Variants in KCNG3 observed in about 807,000 individuals in gnomAD.
KCNG3 encodes voltage-gated potassium channel regulatory subunit KCNG3.
KCNG3 carries 15 observed loss-of-function variants against 29.0 expected under a neutral mutation model. The observed-to-expected ratio is 0.52, with a 90% CI of 0.35 to 0.80. The LOEUF is 0.80. Among genes scored for constraint, KCNG3 ranks in the 30% least tolerant of loss-of-function variants. KCNG3 has a pLI of 0.01. For missense variants in KCNG3, 512 were observed against 605.7 expected (o/e 0.85, Z 1.62); for synonymous variants, 322 against 248.9 (o/e 1.29, Z -2.76).
At position 42,444,898 on chromosome 2, in the gene KCNG3, C is replaced by A. The variant is rs1672562408; in HGVS notation, c.666-319G>T. Reference sequence around the variant, plus strand: ...GCACCACAGCAAAACCCCGTCTCCACAAAAAAAAAATACAAAAATCAGCTG... The same window carrying A: ...GCACCACAGCAAAACCCCGTCTCCAAAAAAAAAAAATACAAAAATCAGCTG... On this transcript the variant is annotated intron_variant, in intron 1 of 1. Transcript: ENST00000306078. The surrounding 1 kb of genome is among the most constrained non-coding windows in gnomAD (Gnocchi z 5.8). 1.3e-5 allele frequency among the ~76,000 whole-genome samples: 2 copies of A among 149,508 alleles called. No homozygotes were observed. The highest frequency in any genetic ancestry group is 1.5e-5 in the Non-Finnish European group (1 of 67,512).
At chr2:42,469,849 G>T (rs891420771) in intron 1 of KCNG3, 1 of 209,730 alleles carries the variant, frequency 4.8e-6, no homozygotes, top group East Asian at 9.2e-5. Context: ...GGAAGGGCCT[G>T]TCCTGGTTGG....
rs138917932 is a variant in KCNG3, at chr2:42,460,067, T to C, written c.666-15488A>G. ...TGCTGTTTTTGCAACTTCTTGCAAGTATAAAACTATTTTAAGCCAGGCAAG... is the reference window on the plus strand; with the variant it reads ...TGCTGTTTTTGCAACTTCTTGCAAGCATAAAACTATTTTAAGCCAGGCAAG... On this transcript the variant is annotated intron_variant, in intron 1 of 1. Transcript: ENST00000306078. Among the ~76,000 whole-genome samples the C allele has an allele frequency of 2.9e-3, 433 of 151,924 alleles. 2 individuals are homozygous for C. The highest frequency in any genetic ancestry group is 0.01 in the African/African-American group (417 of 41,454).
chr2:42,479,894 C>T (rs1178022076), intron 1 of KCNG3, among the ~76,000 whole-genome samples: 2 of 152,026 alleles, frequency 1.3e-5, no homozygotes, highest in East Asian at 3.9e-4. Flanking sequence ...TGTCTGTAAC[C>T]CCACCTACTC....
the KCNG3 span, among the ~76,000 whole-genome samples, chr2:42,414,274 T>C: frequency 1.3e-5 from 2 of 152,350 alleles, no homozygotes; most frequent in East Asian, 1.9e-4. Flanking sequence ...TAAGTTCTTT[T>C]GGTCCTTGTG....
intron 1 of KCNG3, among the ~76,000 whole-genome samples, chr2:42,481,326 A>G (rs963873895): frequency 3.3e-5 from 5 of 152,190 alleles, no homozygotes; most frequent in African/African-American, 1.2e-4. Flanking sequence ...CAGGACCTTT[A>G]GCTGCCTGAA....
the KCNG3 span, among the ~76,000 whole-genome samples, chr2:42,403,889 C>T: frequency 6.6e-6 from 1 of 152,134 alleles, no homozygotes; most frequent in Non-Finnish European, 1.5e-5. Flanking sequence ...GCATGAGCTA[C>T]CCTGGCCCTA....
chr2:42,433,841 C>T, the KCNG3 span, among the ~76,000 whole-genome samples: 2 of 152,162 alleles, frequency 1.3e-5, no homozygotes, highest in Non-Finnish European at 2.9e-5. Context: ...AAGCTGGGGA[C>T]ACTCTTCTCC....
the KCNG3 span, among the ~76,000 whole-genome samples, chr2:42,429,223 T>C: frequency 2.0e-5 from 3 of 151,836 alleles, 1 homozygote; most frequent in Admixed American, 2.0e-4. Context: ...TCCTAACAGT[T>C]GGGGAAAGAA....
intron 1 of KCNG3, chr2:42,470,257 G>A: frequency 2.5e-6 from 1 of 398,244 alleles, no homozygotes; most frequent in Non-Finnish European, 4.8e-6. Flanking sequence ...CCTCTGTCCT[G>A]GTCGCATAAA....
chr2:42,390,513 C>G, the KCNG3 span, among the ~76,000 whole-genome samples: 8 of 152,092 alleles, frequency 5.3e-5, no homozygotes, highest in Non-Finnish European at 1.2e-4. Flanking sequence ...ATGACCCAAT[C>G]CCCAGGGGCA....
At chr2:42,400,972 T>A in the KCNG3 span, among the ~76,000 whole-genome samples, 1 of 151,908 alleles carries the variant, frequency 6.6e-6, no homozygotes, top group South Asian at 2.1e-4. Flanking sequence ...AATTTATGAA[T>A]GGTGACTTTT....
chr2:42,449,030 T>A (rs1393446196), intron 1 of KCNG3, among the ~76,000 whole-genome samples: 1 of 152,100 alleles, frequency 6.6e-6, no homozygotes, highest in African/African-American at 2.4e-5. Flanking sequence ...CAACTTTTCA[T>A]ATACTTGGGT....
the KCNG3 span, among the ~76,000 whole-genome samples, chr2:42,395,682 T>A: frequency 6.6e-6 from 1 of 152,188 alleles, no homozygotes; most frequent in Non-Finnish European, 1.5e-5. Context: ...AAGCCAGCCA[T>A]GTTGACTCAC....
the KCNG3 span, among the ~76,000 whole-genome samples, chr2:42,403,759 C>T: frequency 6.6e-6 from 1 of 151,798 alleles, no homozygotes; most frequent in Non-Finnish European, 1.5e-5. Flanking sequence ...GCCACCGTGC[C>T]TGGCCTAATT....
intron 1 of KCNG3, among the ~76,000 whole-genome samples, chr2:42,466,197 G>C (rs1246936389): frequency 6.6e-6 from 1 of 152,192 alleles, no homozygotes; most frequent in African/African-American, 2.4e-5. Flanking sequence ...CCTAAGGTCA[G>C]GAGTTCGAGA....
At chr2:42,457,667 AC>A (rs1207767099) in intron 1 of KCNG3, among the ~76,000 whole-genome samples, 6 of 146,724 alleles carry the variant, frequency 4.1e-5, no homozygotes, top group African/African-American at 7.6e-5. Flanking sequence ...ACACACACAC[AC>A]AAGGCTGGGC....
intron 1 of KCNG3, among the ~76,000 whole-genome samples, chr2:42,484,994 T>C (rs757661630): frequency 2.0e-5 from 3 of 152,228 alleles, no homozygotes; most frequent in South Asian, 4.1e-4. Flanking sequence ...CAGTTTCAAA[T>C]ACTGCTTTTT....
At chr2:42,457,627 T>TCACACACACACA (rs56251665) in intron 1 of KCNG3, among the ~76,000 whole-genome samples, 11,583 of 125,322 alleles carry the variant, frequency 0.092, 714 homozygotes, top group Middle Eastern at 0.15. Context: ...CAGGCAGATC[T>TCACACACACACA]CACACACACA....
chr2:42,390,917 G>C, the KCNG3 span, among the ~76,000 whole-genome samples: 1 of 152,100 alleles, frequency 6.6e-6, no homozygotes, highest in Non-Finnish European at 1.5e-5. Flanking sequence ...GTTCATTGGG[G>C]ACACCTATTT....
Sources: allele counts gnomAD v4.1 joint callset (sites outside exome capture counted in the v4.1 genomes callset), GRCh38; gene constraint gnomAD v4.1.1; non-coding constraint Gnocchi (gnomAD v3.1); transcripts MANE v1.5; gene names NCBI Gene and HGNC (gene_info 2026-07-23, HGNC 2026-07-21).